RAB21: variants seen among roughly 807,000 people sequenced by gnomAD.
RAB21 encodes ras-related protein Rab-21.
A neutral mutation model predicts 33.1 loss-of-function variants in RAB21; 13 were observed. The ratio of observed to expected loss-of-function variants is 0.39; its 90% CI spans 0.26 to 0.62. RAB21 has a LOEUF of 0.62. Among genes scored for constraint, RAB21 ranks in the 20% least tolerant of loss-of-function variants. The pLI is 0.48. For missense variants in RAB21, 234 were observed against 279.1 expected (o/e 0.84, Z 1.15); for synonymous variants, 91 against 103.7 (o/e 0.88, Z 0.74).
rs1883296654 is a variant in RAB21, at chr12:71,786,555, T to C, written c.*882T>C. 1 of 152,672 alleles carries C rather than the reference T, an allele frequency of 6.5e-6. No homozygotes were observed. The highest frequency in any genetic ancestry group is 6.5e-5 in the Admixed American group (1 of 15,288). The allele number at this position is 152,672 out of a possible 1,614,324, so 9.5% of individuals were successfully genotyped here. A position where few individuals can be genotyped will look rare whatever the true frequency, so the allele number is the denominator to read the frequency against. ...CTGGTAAAATACATTGTAAATTACA[T>C]ATTAAATATTTTATCTGCTTTTACA... On this transcript the variant is annotated 3_prime_UTR_variant, in exon 7 of 7. Coordinates refer to ENST00000261263, the MANE Select transcript of RAB21 (RefSeq NM_014999.4).
intron 2 of RAB21, among the ~76,000 whole-genome samples, chr12:71,770,082 AGGACAG>A (rs1883019584): frequency 6.6e-6 from 1 of 152,152 alleles, no homozygotes; most frequent in Non-Finnish European, 1.5e-5. Flanking sequence ...CTTCAGAGAG[AGGACAG>A]GGTGGGTGGA....
chr12:71,768,303 G>A (rs772260039), intron 1 of RAB21, among the ~76,000 whole-genome samples: 5 of 151,962 alleles, frequency 3.3e-5, no homozygotes, highest in Non-Finnish European at 5.9e-5. Flanking sequence ...CTGAAATTGA[G>A]GTAAAAGAAA....
rs1186549880 is a variant in RAB21, at chr12:71,791,376, T to G, written c.*5703T>G. ...ATGTGAATCAGGAAACTAGAAGGCCTCTTGTAATGTATTTGAAGTTCATTA... is the reference window on the plus strand; with the variant it reads ...ATGTGAATCAGGAAACTAGAAGGCCGCTTGTAATGTATTTGAAGTTCATTA... On this transcript the variant is annotated 3_prime_UTR_variant, in exon 7 of 7. Transcript: ENST00000261263. 2 of 152,208 alleles carry G rather than the reference T, an allele frequency of 1.3e-5. No homozygotes were observed. Among genetic ancestry groups the G allele is most frequent in the Non-Finnish European group, 2.9e-5 (2 of 68,034 alleles). 9.4% of individuals were successfully genotyped at this position (152,208 alleles called of 1,614,324 possible). A position where few individuals can be genotyped will look rare whatever the true frequency, so the allele number is the denominator to read the frequency against.
intron 1 of RAB21, among the ~76,000 whole-genome samples, chr12:71,758,142 C>T (rs1882813888): frequency 6.6e-6 from 1 of 151,912 alleles, no homozygotes; most frequent in Non-Finnish European, 1.5e-5. Context: ...AAGTGGTTCT[C>T]CTGCCTCAGC....
chr12:71,762,641 G>A (rs1278266816), intron 1 of RAB21, among the ~76,000 whole-genome samples: 1 of 151,742 alleles, frequency 6.6e-6, no homozygotes, highest in Non-Finnish European at 1.5e-5. Context: ...GGAGAGGAAT[G>A]GCACGATCTC....
At chr12:71,761,972 GTTAAT>G (rs1165718384) in intron 1 of RAB21, among the ~76,000 whole-genome samples, 1 of 152,130 alleles carries the variant, frequency 6.6e-6, no homozygotes, top group Non-Finnish European at 1.5e-5. Flanking sequence ...CCATATTACT[GTTAAT>G]TTAAGTGATT....
At chr12:71,760,299 GCT>G (rs934897665) in intron 1 of RAB21, among the ~76,000 whole-genome samples, 1 of 151,926 alleles carries the variant, frequency 6.6e-6, no homozygotes, top group African/African-American at 2.4e-5. Flanking sequence ...TTTTAGTGTG[GCT>G]CTCTTTTTCC....
rs368418287 is a variant in RAB21 at position 71,787,921 on chromosome 12, GC to G, written c.*2249del. ...GGCTCTTTCAGACAGAGTGAAGAAA[GC>G]TTTTCCATTCTTACTGTTGTAGAAG... On this transcript the variant is annotated 3_prime_UTR_variant, in exon 7 of 7. Transcript: ENST00000261263. 240 of 152,270 alleles carry G rather than the reference GC, an allele frequency of 1.6e-3. No individual in the cohort carries two copies. Among genetic ancestry groups the G allele is most frequent in the African/African-American group, 5.5e-3 (227 of 41,552 alleles). The allele number at this position is 152,270 out of a possible 1,614,324, so 9.4% of individuals were successfully genotyped here. A position where few individuals can be genotyped will look rare whatever the true frequency, so the allele number is the denominator to read the frequency against.
rs977685994 is a variant in RAB21 at position 71,787,396 on chromosome 12, G to A, written c.*1723G>A. 2 of 151,882 alleles carry A rather than the reference G, an allele frequency of 1.3e-5. No individual in the cohort carries two copies. Among genetic ancestry groups the A allele is most frequent in the African/African-American group, 2.4e-5 (1 of 41,320 alleles). The allele number at this position is 151,882 out of a possible 1,614,324, so 9.4% of individuals were successfully genotyped here. A position where few individuals can be genotyped will look rare whatever the true frequency, so the allele number is the denominator to read the frequency against. On this transcript the variant is annotated 3_prime_UTR_variant, in exon 7 of 7. Coordinates refer to ENST00000261263, the MANE Select transcript of RAB21 (RefSeq NM_014999.4). ...ATATATATATTTTTTCATTTCTGTC[G>A]TGCTTGGAAAACTAGTAAATATTAT...
At chr12:71,758,087 G>T (rs908020684) in intron 1 of RAB21, among the ~76,000 whole-genome samples, 2 of 151,748 alleles carry the variant, frequency 1.3e-5, no homozygotes, top group African/African-American at 4.8e-5. Flanking sequence ...GGCTGGAGTG[G>T]AGGGGTGCGA....
chr12:71,763,458 A>AT (rs1242880601), intron 1 of RAB21, among the ~76,000 whole-genome samples: 4 of 151,766 alleles, frequency 2.6e-5, no homozygotes, highest in African/African-American at 7.3e-5. Context: ...TAAATTTTTA[A>AT]TTTTTTTCCT....
chr12:71,775,940 A>G lies in RAB21; in HGVS notation c.391+1918A>G, dbSNP rs943599667. Among the ~76,000 whole-genome samples the G allele has an allele frequency of 5.9e-5, 9 of 152,276 alleles. No individual in the cohort carries two copies. The South Asian group carries it at 8.3e-4, about 14-fold the overall frequency. ...GCAAGTCTTGGGGGAAAAAAGCGAG[A>G]TGATTTCCCCTGCGTTTTGGTCTAG... is the stretch of plus-strand genomic sequence containing the variant. On this transcript the variant is annotated intron_variant, in intron 4 of 6. Transcript: ENST00000261263.
intron 1 of RAB21, among the ~76,000 whole-genome samples, chr12:71,767,852 G>A (rs1017393168): frequency 9.9e-5 from 15 of 152,020 alleles, no homozygotes; most frequent in East Asian, 5.8e-4. Flanking sequence ...TTAAATATTC[G>A]GATAGGATTC....
At chr12:71,758,739 G>T (rs1882827051) in intron 1 of RAB21, among the ~76,000 whole-genome samples, 1 of 151,706 alleles carries the variant, frequency 6.6e-6, no homozygotes, top group Admixed American at 6.6e-5. Context: ...TTGGCCTCTT[G>T]AAATGCTGAA....
Sources: allele counts gnomAD v4.1 joint callset (sites outside exome capture counted in the v4.1 genomes callset), GRCh38; gene constraint gnomAD v4.1.1; transcripts MANE v1.5; gene names NCBI Gene and HGNC (gene_info 2026-07-23, HGNC 2026-07-21).